The following BMPR1B variants were observed in gnomAD, a reference collection of about 807,000 sequenced individuals.
The protein encoded by BMPR1B is bone morphogenetic protein receptor type-1B.
BMPR1B carries 12 observed loss-of-function variants against 59.1 expected under a neutral mutation model. The ratio of observed to expected loss-of-function variants is 0.20; its 90% confidence interval spans 0.13 to 0.33. The LOEUF is 0.33. Ranked by LOEUF, BMPR1B falls within the 10% of genes least tolerant of loss-of-function variation. The probability of loss-of-function intolerance (pLI) is 1.00; values close to 1 mark genes in which losing one functional copy is unlikely to be tolerated. For synonymous variants in BMPR1B, 237 were observed against 207.3 expected (o/e 1.14, Z -1.23); for missense variants, 550 against 610.9 (o/e 0.90, Z 1.05).
chr4:95,134,730 A>G (rs1421542720), intron 10 of BMPR1B, among the ~76,000 whole-genome samples: 1 of 152,004 alleles, frequency 6.6e-6, no homozygotes, highest in Non-Finnish European at 1.5e-5. Flanking sequence ...TTTCTTGTAA[A>G]TTTGTTTGAG....
At chr4:94,890,315 C>G (rs915278490) in intron 2 of BMPR1B, among the ~76,000 whole-genome samples, 1 of 152,036 alleles carries the variant, frequency 6.6e-6, no homozygotes, top group African/African-American at 2.4e-5. Context: ...GTAACCCCCT[C>G]TCCCCCAAAG....
chr4:94,994,856 A>C (rs926175324), intron 2 of BMPR1B, among the ~76,000 whole-genome samples: 6 of 152,330 alleles, frequency 3.9e-5, no homozygotes, highest in African/African-American at 1.4e-4. Context: ...TAACAGAAGG[A>C]ACACATTACT....
rs538063769 is a variant in BMPR1B, at chr4:94,814,910, AT to A, written c.-183+56852del. On this transcript the variant is annotated intron_variant, in intron 1 of 12. Coordinates refer to ENST00000515059, the MANE Select transcript of BMPR1B (RefSeq NM_001203.3). ...CATTTTCATTTATTTCTTTTCCTTT[AT>A]TTTTTTTTTGAGAAGGAATTTCGCT... Among the ~76,000 whole-genome samples the A allele has an allele frequency of 1.0e-3, 152 of 149,496 alleles. 2 individuals carry two copies. The Middle Eastern group carries it at 0.01, about 10-fold the overall frequency.
intron 2 of BMPR1B, among the ~76,000 whole-genome samples, chr4:94,954,217 G>C (rs1288549116): frequency 6.6e-6 from 1 of 152,058 alleles, no homozygotes; most frequent in Non-Finnish European, 1.5e-5. Context: ...CCAGAGACTG[G>C]TTTATTCCTT....
chr4:94,950,189 G>A (rs553692380), intron 2 of BMPR1B, among the ~76,000 whole-genome samples: 218 of 152,046 alleles, frequency 1.4e-3, no homozygotes, highest in Non-Finnish European at 2.3e-3. Flanking sequence ...GATATTAGCC[G>A]TTTGTCAGAT....
chr4:94,938,070 C>T (rs1235058805), intron 2 of BMPR1B, among the ~76,000 whole-genome samples: 3 of 152,086 alleles, frequency 2.0e-5, no homozygotes, highest in Admixed American at 2.0e-4. Context: ...ATGCATTGTG[C>T]TGATTCTATC....
intron 2 of BMPR1B, among the ~76,000 whole-genome samples, chr4:94,991,037 G>A (rs1205514805): frequency 1.3e-5 from 2 of 152,068 alleles, no homozygotes; most frequent in Non-Finnish European, 2.9e-5. Flanking sequence ...CATTTCAGTG[G>A]TTTTTAGTAT....
intron 10 of BMPR1B, among the ~76,000 whole-genome samples, chr4:95,145,950 A>G (rs1008048468): frequency 2.6e-5 from 4 of 152,228 alleles, no homozygotes; most frequent in Admixed American, 6.5e-5. Context: ...TAAATTATCC[A>G]TAGCAAAGTT....
At chr4:94,764,308 T>G (rs1333729282) in intron 1 of BMPR1B, among the ~76,000 whole-genome samples, 1 of 152,162 alleles carries the variant, frequency 6.6e-6, no homozygotes, top group Non-Finnish European at 1.5e-5. Context: ...ATTTATTTCC[T>G]TGGCTCCCTT....
At chr4:94,918,641 A>G (rs1427051191) in intron 2 of BMPR1B, among the ~76,000 whole-genome samples, 1 of 151,916 alleles carries the variant, frequency 6.6e-6, no homozygotes, top group Non-Finnish European at 1.5e-5. Flanking sequence ...ACATAACTGC[A>G]CTCTAGTTTT....
chr4:94,880,248 G>T (rs1578754705), intron 2 of BMPR1B, among the ~76,000 whole-genome samples: 1 of 152,072 alleles, frequency 6.6e-6, no homozygotes, highest in Non-Finnish European at 1.5e-5. Context: ...CTTCTAACTT[G>T]TCTCCATAAA....
intron 2 of BMPR1B, among the ~76,000 whole-genome samples, chr4:94,939,591 A>C (rs1462772992): frequency 6.6e-6 from 1 of 152,188 alleles, no homozygotes; most frequent in Admixed American, 6.5e-5. Flanking sequence ...GTTCAGAGCA[A>C]ACTGATAACT....
At chr4:94,829,513 C>T (rs1397280357) in intron 1 of BMPR1B, among the ~76,000 whole-genome samples, 3 of 152,072 alleles carry the variant, frequency 2.0e-5, no homozygotes, top group Non-Finnish European at 4.4e-5. Context: ...GATCTTGTCA[C>T]CTCAGCCTCC....
chr4:95,135,810 AG>A (rs1733732680), intron 10 of BMPR1B, among the ~76,000 whole-genome samples: 1 of 152,240 alleles, frequency 6.6e-6, no homozygotes, highest in South Asian at 2.1e-4. Flanking sequence ...ATCTGCAAAC[AG>A]GGACAATTTA....
At chr4:95,005,744 A>G (rs1242908494) in intron 3 of BMPR1B, among the ~76,000 whole-genome samples, 2 of 151,628 alleles carry the variant, frequency 1.3e-5, no homozygotes, top group Admixed American at 6.6e-5. Context: ...ACTTTTCCTT[A>G]TCTTCTGTCT....
At chr4:94,927,628 A>T (rs532389050) in intron 2 of BMPR1B, among the ~76,000 whole-genome samples, 1 of 152,258 alleles carries the variant, frequency 6.6e-6, no homozygotes, top group East Asian at 1.9e-4. Context: ...CAGTTCCAGG[A>T]TAGCAAGCCT....
intron 3 of BMPR1B, among the ~76,000 whole-genome samples, chr4:95,075,497 C>T (rs900452473): frequency 6.6e-6 from 1 of 152,048 alleles, no homozygotes; most frequent in Non-Finnish European, 1.5e-5. Flanking sequence ...CATTTAATAG[C>T]CATTGTGTAC....
intron 3 of BMPR1B, among the ~76,000 whole-genome samples, chr4:95,081,413 T>G (rs144248988): frequency 6.6e-6 from 1 of 152,186 alleles, no homozygotes; most frequent in Non-Finnish European, 1.5e-5. Flanking sequence ...CAGAAATGAA[T>G]GAATTGAGCT....
chr4:95,081,386 A>G (rs972767548), intron 3 of BMPR1B, among the ~76,000 whole-genome samples: 3 of 152,184 alleles, frequency 2.0e-5, no homozygotes, highest in African/African-American at 7.2e-5. Context: ...AGACTTGGGT[A>G]TTTGCAGCTA....
Sources: allele counts gnomAD v4.1 joint callset (sites outside exome capture counted in the v4.1 genomes callset), GRCh38; gene constraint gnomAD v4.1.1; transcripts MANE v1.5; gene names NCBI Gene and HGNC (gene_info 2026-07-23, HGNC 2026-07-21).